WRN: variants seen among roughly 807,000 people sequenced by gnomAD.
The protein encoded by WRN is WRN RecQ like helicase.
A neutral mutation model predicts 180.7 loss-of-function variants in WRN; 149 were observed. The ratio of observed to expected loss-of-function variants is 0.82; its 90% CI spans 0.72 to 0.94. The LOEUF (loss-of-function observed/expected upper bound fraction) is 0.94, where lower values mean the gene tolerates loss of function less well. Among genes scored for constraint, WRN ranks in the 40% least tolerant of loss-of-function variants. WRN has a pLI of 0.00. For synonymous variants in WRN, 548 were observed against 568.9 expected, an observed-to-expected ratio of 0.96 and a Z score of 0.52; for missense variants, 1,661 against 1,700.1, an observed-to-expected ratio of 0.98 and a Z score of 0.40.
At position 31,155,252 on chromosome 8, in the gene WRN, T is replaced by A. The variant is rs539412614; in HGVS notation, c.3819+497T>A. On this transcript the variant is annotated intron_variant, in intron 32 of 34. Transcript: ENST00000298139. ...AGCCAAGCAACTGGAAATATGTTTT[T>A]AAAAACTTGCTTTTCATTCTATCTC... is the stretch of plus-strand genomic sequence containing the variant. 2.0e-5 allele frequency among the ~76,000 whole-genome samples: 3 copies of A among 152,324 alleles called. No individual in the cohort carries two copies. In the South Asian group the frequency reaches 6.2e-4, roughly 32 times the overall value.
chr8:31,104,334 T>C (rs775731835), intron 18 of WRN, among the ~76,000 whole-genome samples: 1 of 152,250 alleles, frequency 6.6e-6, no homozygotes, highest in Non-Finnish European at 1.5e-5. Flanking sequence ...TCTTTTCATA[T>C]ACTAATTTGC....
At chr8:31,074,892 A>T (rs913551798) in intron 7 of WRN, among the ~76,000 whole-genome samples, 8 of 152,098 alleles carry the variant, frequency 5.3e-5, no homozygotes, top group African/African-American at 1.9e-4. Context: ...GCAAGTGTCA[A>T]AGTATTGTTG....
intron 31 of WRN, 53 bp from the exon 32 acceptor site, chr8:31,154,571 C>G: frequency 6.5e-7 from 1 of 1,539,784 alleles, no homozygotes; most frequent in Non-Finnish European, 8.8e-7. Context: ...TACATATATT[C>G]TATTATTGTA....
At chr8:31,153,039 A>G (rs1375821170) in intron 31 of WRN, among the ~76,000 whole-genome samples, 1 of 152,074 alleles carries the variant, frequency 6.6e-6, no homozygotes, top group East Asian at 1.9e-4. Context: ...AAAAAAAAAA[A>G]AAGTGTCTTT....
At chr8:31,157,279 T>G (rs1803421264) in intron 32 of WRN, 89 bp from the exon 33 acceptor site, 4 of 1,567,196 alleles carry the variant, frequency 2.6e-6, no homozygotes, top group Non-Finnish European at 3.5e-6. Context: ...CACTGAGCAT[T>G]TACTACCTGA....
intron 1 of WRN, among the ~76,000 whole-genome samples, chr8:31,045,010 A>G (rs888873512): frequency 6.6e-6 from 1 of 152,218 alleles, no homozygotes; most frequent in Non-Finnish European, 1.5e-5. Flanking sequence ...TGGTGATGCC[A>G]GTTTCTTCTC....
chr8:31,129,664 A>G (rs1291583658), intron 23 of WRN, among the ~76,000 whole-genome samples: 1 of 152,224 alleles, frequency 6.6e-6, no homozygotes, highest in African/African-American at 2.4e-5. Flanking sequence ...CTACATTAAT[A>G]TGCATTAACA....
intron 8 of WRN, among the ~76,000 whole-genome samples, 177 bp from the exon 9 acceptor site, chr8:31,080,690 G>C (rs1813266420): frequency 6.6e-6 from 1 of 152,052 alleles, no homozygotes; most frequent in East Asian, 1.9e-4. Context: ...ATGCTAGAGA[G>C]TAGCCTGCAA....
At chr8:31,096,528 G>A (rs1256855558) in intron 16 of WRN, among the ~76,000 whole-genome samples, 1 of 152,080 alleles carries the variant, frequency 6.6e-6, no homozygotes, top group African/African-American at 2.4e-5. Flanking sequence ...AATACAATAG[G>A]TCTTTCTTTT....
In WRN at chr8:31,096,790, G is replaced by C. The variant is rs572026265; in HGVS notation, c.1921G>C (p.Val641Leu). The C allele has an allele frequency of 1.6e-5, 26 of 1,608,394 alleles. No homozygotes were observed. The highest frequency in any genetic ancestry group is 2.2e-5 in the Non-Finnish European group (26 of 1,179,062). Residue 641 changes from valine (V) to leucine (L), a missense_variant, in exon 17 of 35, where the codon GTA becomes CTA. This residue lies in a region of WRN where 1,141 missense variants were observed against 1,149.4 expected (regional missense o/e 0.99). Transcript: ENST00000298139. Reference sequence around the variant, plus strand: ...CAGAGGTAAATACCGGATTGTATACGTAACTCCAGAATACTGTTCAGGTAA... The same window carrying C: ...CAGAGGTAAATACCGGATTGTATACCTAACTCCAGAATACTGTTCAGGTAA... Reference protein sequence around the residue: ...IKLGKYRIVYVTPEYCSGNMG... With the variant: ...IKLGKYRIVYLTPEYCSGNMG...
rs3087424 is a variant in WRN, at chr8:31,147,050, T to C, written c.3384-3T>C. Reference sequence around the variant, plus strand: ...ATTATTTATTTTCTTTTAAATATTTTAGTATCATGGTACAGTCACCAGAAA... The same window carrying C: ...ATTATTTATTTTCTTTTAAATATTTCAGTATCATGGTACAGTCACCAGAAA... On this transcript the variant is annotated splice_polypyrimidine_tract_variant and splice_region_variant and intron_variant, in intron 28 of 34. Transcript: ENST00000298139. 3,843 of 1,608,544 alleles carry C rather than the reference T, an allele frequency of 2.4e-3. 88 individuals carry two copies. The African/African-American group carries it at 0.046, about 19-fold the overall frequency.
chr8:31,103,104 A>G (rs185173692), intron 18 of WRN, among the ~76,000 whole-genome samples: 1 of 152,210 alleles, frequency 6.6e-6, no homozygotes, highest in African/African-American at 2.4e-5. Flanking sequence ...GCTGTCTTCC[A>G]CCTCCACGTC....
intron 18 of WRN, among the ~76,000 whole-genome samples, chr8:31,109,525 T>G (rs1326769573): frequency 1.3e-5 from 2 of 152,190 alleles, no homozygotes; most frequent in Non-Finnish European, 2.9e-5. Context: ...AACTGAGCCC[T>G]TGCAAATGTC....
At chr8:31,103,513 C>G (rs1035767832) in intron 18 of WRN, among the ~76,000 whole-genome samples, 6 of 152,058 alleles carry the variant, frequency 3.9e-5, no homozygotes, top group African/African-American at 1.4e-4. Flanking sequence ...GACCACTGTT[C>G]CACATGTGCT....
At position 31,044,403 on chromosome 8, in the gene WRN, C is replaced by CTGGA. The variant is rs1811776968; in HGVS notation, c.-77+10431_-77+10434dup. Among the ~76,000 whole-genome samples the CTGGA allele has an allele frequency of 3.2e-5, 4 of 124,358 alleles. No homozygotes were observed. The South Asian group carries it at 8.1e-4, about 25-fold the overall frequency. The allele number at this position is 124,358 out of a possible 152,430, so 81.6% of individuals were successfully genotyped here. ...ATAGAGTCTCACTCTGTTGCCCAGG[C>CTGGA]TGGAGTGCAATGGCACGTTTTCAGC... On this transcript the variant is annotated intron_variant, in intron 1 of 34. Transcript: ENST00000298139.
intron 24 of WRN, 79 bp downstream of exon 24, chr8:31,132,585 A>G (rs977722729): frequency 1.3e-6 from 2 of 1,599,132 alleles, no homozygotes; most frequent in Non-Finnish European, 1.7e-6. Flanking sequence ...TTGCAGTATT[A>G]TGATTGTAGC....
At chr8:31,048,574 G>A (rs1157095847) in intron 1 of WRN, among the ~76,000 whole-genome samples, 1 of 152,104 alleles carries the variant, frequency 6.6e-6, no homozygotes, top group Non-Finnish European at 1.5e-5. Context: ...TAGTATATAC[G>A]TAAGTATAAA....
chr8:31,097,883 A>C (rs1179724812), intron 17 of WRN, among the ~76,000 whole-genome samples: 1 of 152,120 alleles, frequency 6.6e-6, no homozygotes, highest in Non-Finnish European at 1.5e-5. Context: ...AGTTGGCCTA[A>C]CCAAATTTAA....
chr8:31,131,597 A>G (rs992552223), intron 23 of WRN: 7 of 152,812 alleles, frequency 4.6e-5, no homozygotes, highest in African/African-American at 1.7e-4. Context: ...TCACTTCCAA[A>G]TGTGCAGATG....
Sources: allele counts gnomAD v4.1 joint callset (sites outside exome capture counted in the v4.1 genomes callset), GRCh38; gene constraint gnomAD v4.1.1; regional missense constraint gnomAD v4.1.1; transcripts MANE v1.5; gene names NCBI Gene and HGNC (gene_info 2026-07-23, HGNC 2026-07-21).